The following PTPA variants were observed in gnomAD, a reference collection of about 807,000 sequenced individuals.
The protein encoded by PTPA is protein phosphatase 2 phosphatase activator.
PTPA carries 13 observed loss-of-function variants against 43.6 expected under a neutral mutation model. The observed-to-expected ratio is 0.30, with a 90% CI of 0.19 to 0.47. The LOEUF (loss-of-function observed/expected upper bound fraction) is 0.47. PTPA is among the 20% of genes least tolerant of loss of function. PTPA has a pLI of 0.99. For missense variants in PTPA, 329 were observed against 411.9 expected, an observed-to-expected ratio of 0.80 and a Z score of 1.74; for synonymous variants, 172 against 158.2, an observed-to-expected ratio of 1.09 and a Z score of -0.66.
Position 129,131,567 on chromosome 9 carries a change from G to A in PTPA, c.388G>A (p.Ala130Thr), listed in dbSNP as rs201935031. Residue 130 changes from alanine (A) to threonine (T), a missense_variant, in exon 5 of 10, where the codon GCT (alanine) becomes ACT (threonine). Physicochemically the swap from Ala to Thr is moderately conservative, Grantham distance 58 (BLOSUM62 0). Coordinates refer to ENST00000393370, the MANE Select transcript of PTPA (RefSeq NM_178000.3). ...CACAGTGGTCCCTACCCATCTGGCA[G>A]CTGCTGTGCCTGAGGTGGCTGTTTA... is the stretch of plus-strand genomic sequence containing the variant. ...VATVVPTHLA[A>T]AVPEVAVYLK... The A allele has an allele frequency of 6.2e-7, 1 of 1,614,130 alleles. No homozygotes were observed. The highest frequency in any genetic ancestry group is 1.3e-5 in the African/African-American group (1 of 75,062).
At chr9:129,117,788 C>T (rs7029872) in intron 1 of PTPA, among the ~76,000 whole-genome samples, 89,003 of 150,216 alleles carry the variant, frequency 0.59, 28,264 homozygotes, top group Non-Finnish European at 0.7. Context: ...GCTCTGCCTC[C>T]CCAGTTCAAG....
intron 1 of PTPA, among the ~76,000 whole-genome samples, chr9:129,116,774 G>T (rs1444689271): frequency 1.3e-5 from 2 of 152,080 alleles, no homozygotes; most frequent in African/African-American, 4.8e-5. Context: ...CAGGTGATCT[G>T]CCCACCTCTG....
chr9:129,128,409 G>A (rs763614750), intron 3 of PTPA, among the ~76,000 whole-genome samples: 13 of 151,862 alleles, frequency 8.6e-5, no homozygotes, highest in Admixed American at 5.9e-4. Context: ...GGTGGTGTGC[G>A]CCTTTAGTCC....
Position 129,120,539 on chromosome 9 carries a change from A to C in PTPA, c.58A>C (p.Thr20Pro). The change falls in exon 2 of 10, where the codon ACT (threonine) becomes CCT (proline). Residue 20 changes from threonine to proline, a missense_variant. Transcript: ENST00000393370. ...PDSSEEAPPATQNFIIPKKEI... is the reference protein window; with the variant it reads ...PDSSEEAPPAPQNFIIPKKEI... ...TTCTTCAGAGGAGGCCCCTCCAGCC[A>C]CTCAGAACTTCATCATTCCAAAAAA... 6.2e-7 allele frequency: 1 copy of C among 1,613,140 alleles called. No individual in the cohort carries two copies. The highest frequency in any genetic ancestry group is 8.5e-7 in the Non-Finnish European group (1 of 1,179,580).
chr9:129,147,754 C>T lies in PTPA; in HGVS notation c.*290C>T, dbSNP rs185391327. 533 of 420,600 alleles carry T rather than the reference C, an allele frequency of 1.3e-3. 2 individuals are homozygous for T. The highest frequency in any genetic ancestry group is 1.0e-2 in the African/African-American group (492 of 49,266). The allele number at this position is 420,600 out of a possible 1,614,324, so 26.1% of individuals were successfully genotyped here. ...TCGGCCACTCTCTCCTGTTTCTGGC[C>T]TCTTCTCCCTTCACTCCCGTCCAGT... On this transcript the variant is annotated 3_prime_UTR_variant, in exon 10 of 10. Coordinates refer to ENST00000393370, the MANE Select transcript of PTPA (RefSeq NM_178000.3).
In PTPA at chr9:129,143,079, C is replaced by T. The variant is rs116348279; in HGVS notation, c.894+527C>T. ...TTTGATGCAAATGGTTTTCCCTGCT[C>T]TCAAATCAGATGCTGAGGAGAGGAG... On this transcript the variant is annotated intron_variant, in intron 9 of 9. Transcript: ENST00000393370. 3,234 of 706,310 alleles carry T rather than the reference C, an allele frequency of 4.6e-3. 86 individuals carry two copies. The African/African-American group carries it at 0.052, about 11-fold the overall frequency. The allele number at this position is 706,310 out of a possible 1,614,324, so 43.8% of individuals were successfully genotyped here.
At chr9:129,117,994 G>C (rs966485234) in intron 1 of PTPA, among the ~76,000 whole-genome samples, 2 of 150,548 alleles carry the variant, frequency 1.3e-5, no homozygotes, top group Non-Finnish European at 3.0e-5. Flanking sequence ...TCACCATGCC[G>C]GACCTGGGCA....
Position 129,120,525 on chromosome 9 carries a change from A to G in PTPA, c.44A>G (p.Glu15Gly). ...TTTTTTTGTCAAGATTCTTCAGAGG[A>G]GGCCCCTCCAGCCACTCAGAACTTC... ...ERQPPPDSSE[E>G]APPATQNFII... Residue 15 changes from glutamate (E) to glycine (G), a missense_variant, in exon 2 of 10, where the codon GAG becomes GGG. Physicochemically the swap from Glu to Gly is moderately conservative, Grantham distance 98. Transcript: ENST00000393370. 1.3e-5 allele frequency: 21 copies of G among 1,611,600 alleles called. No homozygotes were observed. Among genetic ancestry groups the G allele is most frequent in the Non-Finnish European group, 1.6e-5 (19 of 1,178,570 alleles).
intron 1 of PTPA, among the ~76,000 whole-genome samples, chr9:129,117,657 G>A (rs1255831786): frequency 4.0e-5 from 6 of 150,692 alleles, no homozygotes; most frequent in African/African-American, 7.3e-5. Flanking sequence ...CACCCGCCTC[G>A]GATTCCCAAA....
In PTPA at chr9:129,148,244, T is replaced by C. The variant is rs1159980952; in HGVS notation, c.*780T>C. The C allele has an allele frequency of 6.6e-6, 1 of 152,396 alleles. No individual in the cohort carries two copies. Among genetic ancestry groups the C allele is most frequent in the Non-Finnish European group, 1.5e-5 (1 of 68,174 alleles). 9.4% of individuals were successfully genotyped at this position (152,396 alleles called of 1,614,324 possible). On this transcript the variant is annotated 3_prime_UTR_variant, in exon 10 of 10. Transcript: ENST00000393370. ...TGGGCTCCTGGGAGGGCCCAGATGA[T>C]GGGGTGAGGCATGTCTTTCCAGAAC...
chr9:129,125,440 C>T (rs113972350), intron 3 of PTPA, among the ~76,000 whole-genome samples: 4,347 of 151,990 alleles, frequency 0.029, 194 homozygotes, highest in African/African-American at 0.097. Context: ...TTAGTAGAGA[C>T]GGGGTTTCAC....
intron 3 of PTPA, among the ~76,000 whole-genome samples, chr9:129,127,125 C>T (rs1213219367): frequency 1.3e-5 from 2 of 152,200 alleles, no homozygotes; most frequent in African/African-American, 4.8e-5. Context: ...TTATGCCATC[C>T]TAGCCCTCTG....
intron 9 of PTPA, chr9:129,143,421 C>A (rs1318608561): frequency 1.4e-6 from 1 of 702,854 alleles, no homozygotes; most frequent in African/African-American, 1.7e-5. Context: ...GTACTGTGGG[C>A]ACCATCTCTT....
chr9:129,120,478 T>C (rs1304836962), intron 1 of PTPA, 35 bp from the exon 2 acceptor site: 2 of 1,487,450 alleles, frequency 1.3e-6, no homozygotes, highest in South Asian at 2.3e-5. Context: ...GAGGATTCTA[T>C]TTATCTGTTT....
Position 129,136,452 on chromosome 9 carries a change from T to A in PTPA, c.561-19T>A. ...TTTTTACTTTTTGCTACCTTCCCTT[T>A]CCCTGTCCTCCTGTGCAGGTACCTT... On this transcript the variant is annotated intron_variant, in intron 6 of 9. Transcript: ENST00000393370. The A allele has an allele frequency of 6.3e-7, 1 of 1,599,686 alleles. No homozygotes were observed. The highest frequency in any genetic ancestry group is 1.1e-5 in the South Asian group (1 of 89,244).
At position 129,114,107 on chromosome 9, in the gene PTPA, C is replaced by T. The variant is rs145420019; in HGVS notation, c.31+2476C>T. ...GCAGTGGTGCAATCTCAGCTCACTGCAACCTCCGCCTCCTGAGTTCATGCG... is the reference window on the plus strand; with the variant it reads ...GCAGTGGTGCAATCTCAGCTCACTGTAACCTCCGCCTCCTGAGTTCATGCG... On this transcript the variant is annotated intron_variant, in intron 1 of 9. Transcript: ENST00000393370. Among the ~76,000 whole-genome samples the T allele has an allele frequency of 3.4e-4, 52 of 152,298 alleles. 1 individual carries two copies. The East Asian group carries it at 6.4e-3, about 19-fold the overall frequency.
intron 1 of PTPA, 178 bp downstream of exon 1, chr9:129,111,809 G>A (rs1848515572): frequency 8.1e-7 from 1 of 1,227,564 alleles, no homozygotes; most frequent in African/African-American, 1.6e-5. Flanking sequence ...GTGGGGCGCC[G>A]CTGGGGAGGG....
chr9:129,119,592 T>C (rs986470631), intron 1 of PTPA: 1 of 151,518 alleles, frequency 6.6e-6, no homozygotes, highest in Admixed American at 6.6e-5. Flanking sequence ...ACTTTTTTAG[T>C]AGAGATGGGA....
At chr9:129,146,889 C>T (rs1851341049) in intron 9 of PTPA, among the ~76,000 whole-genome samples, 1 of 152,236 alleles carries the variant, frequency 6.6e-6, no homozygotes. Context: ...GTGGGGGGAA[C>T]TCAGTGTCAG....
Sources: gnomAD v4.1 joint callset for allele counts (sites outside exome capture counted in the v4.1 genomes callset) on GRCh38, gnomAD v4.1.1 for gene constraint, MANE v1.5 for transcripts, NCBI Gene and HGNC (gene_info 2026-07-23, HGNC 2026-07-21) for gene names.